ANK3: variants seen among roughly 807,000 people sequenced by gnomAD.
ANK3 encodes the protein ankyrin 3.
ANK3 carries 57 observed loss-of-function variants against 370.9 expected under a neutral mutation model. That is an observed-to-expected ratio of 0.15 (90% CI 0.12 to 0.19). The LOEUF is 0.19. Ranked by LOEUF, ANK3 falls within the 10% of genes least tolerant of loss-of-function variation. The pLI is 1.00. For missense variants in ANK3, 4,439 were observed against 5,302.1 expected (o/e 0.84, Z 5.06); for synonymous variants, 1,929 against 1,946.3 (o/e 0.99, Z 0.23).
At chr10:60,445,576 A>C (rs1368822681) in intron 2 of ANK3, among the ~76,000 whole-genome samples, 2 of 152,018 alleles carry the variant, frequency 1.3e-5, no homozygotes, top group Non-Finnish European at 2.9e-5. Flanking sequence ...GCTGAAATTC[A>C]GATGTAAACA....
In ANK3 at chr10:60,506,894, G is replaced by T. The variant is rs753620025; in HGVS notation, c.96+108292C>A. On this transcript the variant is annotated intron_variant, in intron 2 of 43. Coordinates refer to the ANK3 transcript ENST00000373827. ...CATTAGCAGTGAAAGCAGTTACTTTGCAAATACTACGTGGGAAAAATATTT... is the reference window on the plus strand; with the variant it reads ...CATTAGCAGTGAAAGCAGTTACTTTTCAAATACTACGTGGGAAAAATATTT... 3.5e-4 allele frequency among the ~76,000 whole-genome samples: 53 copies of T among 151,938 alleles called. 2 individuals carry two copies. Among genetic ancestry groups the T allele is most frequent in the Non-Finnish European group, 7.4e-5 (5 of 67,992 alleles).
chr10:60,342,522 G>T (rs1025802859), intron 1 of ANK3, among the ~76,000 whole-genome samples: 1 of 152,138 alleles, frequency 6.6e-6, no homozygotes, highest in Non-Finnish European at 1.5e-5. Context: ...TCAGTGAAGG[G>T]ACACTCTGAC....
chr10:60,341,173 A>G lies in ANK3; in HGVS notation c.114+48252T>C, dbSNP rs545912315. 1.1e-3 allele frequency among the ~76,000 whole-genome samples: 162 copies of G among 152,244 alleles called. 1 individual carries two copies. The highest frequency in any genetic ancestry group is 3.8e-3 in the African/African-American group (157 of 41,550). The stretch of plus-strand genomic sequence containing the variant: ...GTCTTGACATGGGCTACTCAACTCT[A>G]CATTGTTATTACTAAGCATCTGGGA... On this transcript the variant is annotated intron_variant, in intron 1 of 43. Transcript: ENST00000280772.
intron 1 of ANK3, among the ~76,000 whole-genome samples, chr10:60,347,877 A>C (rs1351706433): frequency 6.6e-6 from 1 of 152,114 alleles, no homozygotes; most frequent in Non-Finnish European, 1.5e-5. Context: ...CCAAGTTTTG[A>C]GAACCACTGC....
chr10:60,522,531 C>T (rs975387586), intron 2 of ANK3, among the ~76,000 whole-genome samples: 1 of 151,974 alleles, frequency 6.6e-6, no homozygotes, highest in Non-Finnish European at 1.5e-5. Context: ...GGTTTTAGAT[C>T]TGTACCCATT....
intron 2 of ANK3, among the ~76,000 whole-genome samples, chr10:60,443,305 G>C (rs540571490): frequency 1.3e-5 from 2 of 152,046 alleles, no homozygotes; most frequent in Admixed American, 1.3e-4. Context: ...GTGTGTGTGC[G>C]TGTGTGTGTA....
chr10:60,395,812 A>G (rs1022093085), intron 2 of ANK3, among the ~76,000 whole-genome samples: 1 of 152,084 alleles, frequency 6.6e-6, no homozygotes, highest in African/African-American at 2.4e-5. Context: ...CTTGCCCTCA[A>G]GTTTCCATGG....
At chr10:60,373,094 G>A (rs2060323962) in intron 1 of ANK3, among the ~76,000 whole-genome samples, 1 of 152,202 alleles carries the variant, frequency 6.6e-6, no homozygotes, top group African/African-American at 2.4e-5. Flanking sequence ...CAATATTTTA[G>A]TTACATAACT....
chr10:60,234,133 C>A (rs1325469836), intron 8 of ANK3, among the ~76,000 whole-genome samples: 1 of 152,180 alleles, frequency 6.6e-6, no homozygotes, highest in Non-Finnish European at 1.5e-5. Flanking sequence ...TAAATTCATT[C>A]ATCTGTCCAT....
At chr10:60,211,810 T>C (rs1384986057) in intron 9 of ANK3, among the ~76,000 whole-genome samples, 1 of 150,946 alleles carries the variant, frequency 6.6e-6, no homozygotes. Flanking sequence ...GCCTACACTC[T>C]TTAGAGCTGC....
chr10:60,303,537 G>C (rs562015596), intron 1 of ANK3, among the ~76,000 whole-genome samples: 2 of 152,202 alleles, frequency 1.3e-5, no homozygotes, highest in African/African-American at 4.8e-5. Context: ...ACCACAATGA[G>C]CTATGACCTC....
intron 2 of ANK3, among the ~76,000 whole-genome samples, chr10:60,536,885 G>A (rs952116072): frequency 1.3e-5 from 2 of 151,858 alleles, no homozygotes; most frequent in African/African-American, 2.4e-5. Flanking sequence ...TTATTTATGC[G>A]AGAATAAATC....
At chr10:60,478,013 C>G (rs185925066) in intron 2 of ANK3, among the ~76,000 whole-genome samples, 2 of 151,972 alleles carry the variant, frequency 1.3e-5, no homozygotes, top group Non-Finnish European at 2.9e-5. Flanking sequence ...CTATCATTAC[C>G]CACTAAGTGA....
intron 43 of ANK3, among the ~76,000 whole-genome samples, chr10:60,041,120 C>G (rs967118677): frequency 6.6e-6 from 1 of 152,184 alleles, no homozygotes; most frequent in South Asian, 2.1e-4. Context: ...CACTGCCAAG[C>G]TAGCTTCTGC....
intron 1 of ANK3, among the ~76,000 whole-genome samples, chr10:60,691,163 T>G (rs1442678265): frequency 6.6e-6 from 1 of 152,202 alleles, no homozygotes; most frequent in East Asian, 1.9e-4. Flanking sequence ...TCTCCCCATC[T>G]TTTACATTTC....
At chr10:60,034,339 C>T (rs892499783) in intron 43 of ANK3, among the ~76,000 whole-genome samples, 3 of 151,988 alleles carry the variant, frequency 2.0e-5, no homozygotes, top group African/African-American at 4.8e-5. Flanking sequence ...AACTCCTGAC[C>T]GCAGGTGATC....
At chr10:60,391,251 G>A (rs2063079711), upstream of ANK3, among the ~76,000 whole-genome samples, 3 of 152,154 alleles carry the variant, frequency 2.0e-5, no homozygotes, top group Admixed American at 2.0e-4. Context: ...GGCCTACTAT[G>A]TGCACCGATG....
At chr10:60,249,819 C>T (rs935342483) in intron 7 of ANK3, among the ~76,000 whole-genome samples, 4 of 152,116 alleles carry the variant, frequency 2.6e-5, no homozygotes, top group African/African-American at 9.7e-5. Flanking sequence ...CACTGAGCAC[C>T]GTGCTGACTC....
At chr10:60,671,891 G>T (rs1034732973) in intron 1 of ANK3, among the ~76,000 whole-genome samples, 27 of 152,292 alleles carry the variant, frequency 1.8e-4, no homozygotes, top group Admixed American at 9.2e-4. Context: ...GCACTGGCTT[G>T]CCAGGCTTAC....
Sources: allele counts gnomAD v4.1 joint callset (sites outside exome capture counted in the v4.1 genomes callset), GRCh38; gene constraint gnomAD v4.1.1; transcripts MANE v1.5; gene names NCBI Gene and HGNC (gene_info 2026-07-23, HGNC 2026-07-21).